The following ANKRD13C variants were observed in gnomAD, a reference collection of about 807,000 sequenced individuals.
ANKRD13C encodes ankyrin repeat domain-containing protein 13C.
Under a neutral mutation model 65.5 loss-of-function variants are expected in ANKRD13C, and 16 were observed. That is an observed-to-expected ratio of 0.24 (90% confidence interval 0.17 to 0.37). The LOEUF (loss-of-function observed/expected upper bound fraction) is 0.37. Ranked by LOEUF, ANKRD13C falls within the 10% of genes least tolerant of loss-of-function variation. ANKRD13C has a pLI of 1.00. For missense variants in ANKRD13C, 503 were observed against 655.9 expected, an observed-to-expected ratio of 0.77 and a Z score of 2.55; for synonymous variants, 235 against 238.7, an observed-to-expected ratio of 0.98 and a Z score of 0.14.
At chr1:70,299,810 A>G (rs1680266633) in intron 7 of ANKRD13C, among the ~76,000 whole-genome samples, 1 of 152,242 alleles carries the variant, frequency 6.6e-6, no homozygotes, top group Non-Finnish European at 1.5e-5. Flanking sequence ...TTAGGCATTT[A>G]AACAGATAAG....
intron 9 of ANKRD13C, among the ~76,000 whole-genome samples, chr1:70,278,403 G>A (rs1241670702): frequency 6.7e-6 from 1 of 150,050 alleles, no homozygotes; most frequent in Non-Finnish European, 1.5e-5. Flanking sequence ...TGAGGCAGGA[G>A]AATCACCTGA....
At chr1:70,293,428 C>A (rs1175028473) in intron 8 of ANKRD13C, 3 of 389,114 alleles carry the variant, frequency 7.7e-6, no homozygotes, top group East Asian at 3.3e-4. Flanking sequence ...GTCCACCTTG[C>A]AAAAAAAGCA....
At position 70,286,859 on chromosome 1, in the gene ANKRD13C, A is replaced by G. The variant is rs199950158; in HGVS notation, c.1215+5529T>C. On this transcript the variant is annotated intron_variant, in intron 9 of 12. Transcript: ENST00000370944. Reference sequence around the variant, plus strand: ...AAACTAGCCGGGCGTGGTGGTGGGTACCTGTAATCTCAGCTACTCCGGAGG... The same window carrying G: ...AAACTAGCCGGGCGTGGTGGTGGGTGCCTGTAATCTCAGCTACTCCGGAGG... 7.0e-4 allele frequency among the ~76,000 whole-genome samples: 106 copies of G among 152,094 alleles called. 3 individuals carry two copies. In the East Asian group the frequency reaches 0.016, roughly 23 times the overall value.
intron 9 of ANKRD13C, among the ~76,000 whole-genome samples, chr1:70,278,094 C>T (rs114942890): frequency 0.04 from 6,006 of 150,900 alleles, 367 homozygotes; most frequent in African/African-American, 0.13. Flanking sequence ...AAAGCTGAGG[C>T]GGGAGGATCA....
At chr1:70,287,458 C>T (rs1463868623) in intron 9 of ANKRD13C, among the ~76,000 whole-genome samples, 2 of 151,894 alleles carry the variant, frequency 1.3e-5, no homozygotes. Context: ...ATGGTCATTT[C>T]CTTAAATGTA....
At chr1:70,346,234 T>G (rs1682521839) in intron 1 of ANKRD13C, among the ~76,000 whole-genome samples, 1 of 152,188 alleles carries the variant, frequency 6.6e-6, no homozygotes, top group Admixed American at 6.5e-5. Flanking sequence ...CAAAAAAGCA[T>G]GTACTCAAGA....
chr1:70,281,301 C>T (rs993884248), intron 9 of ANKRD13C, among the ~76,000 whole-genome samples: 1 of 151,930 alleles, frequency 6.6e-6, no homozygotes, highest in Admixed American at 6.6e-5. Context: ...TGTGAAAGAA[C>T]CTCTCTTCCA....
intron 7 of ANKRD13C, among the ~76,000 whole-genome samples, chr1:70,299,703 G>GA (rs1680245281): frequency 6.6e-6 from 1 of 152,150 alleles, no homozygotes; most frequent in South Asian, 2.1e-4. Flanking sequence ...TTCAAAAGAG[G>GA]AAAAACAGGA....
Position 70,270,468 on chromosome 1 carries a change from G to A in ANKRD13C, c.1495+388C>T, listed in dbSNP as rs184424265. Among the ~76,000 whole-genome samples, 511 of 152,214 alleles carry A rather than the reference G, an allele frequency of 3.4e-3. 2 individuals are homozygous for A. The highest frequency in any genetic ancestry group is 0.017 in the Middle Eastern group (5 of 294). On this transcript the variant is annotated intron_variant, in intron 12 of 12. Coordinates refer to ENST00000370944, the MANE Select transcript of ANKRD13C (RefSeq NM_030816.5). The stretch of plus-strand genomic sequence containing the variant: ...CAGCAGCCCCCAACCTTTTTGGCAC[G>A]AGGGATCTGTTTCGTGAAAGATAAT...
At position 70,271,087 on chromosome 1, in the gene ANKRD13C, A is replaced by G. The variant is rs1417402324; in HGVS notation, c.1395-131T>C. 3 of 571,880 alleles carry G rather than the reference A, an allele frequency of 5.2e-6. No homozygotes were observed. The African/African-American group carries it at 5.8e-5, about 11-fold the overall frequency. 35.4% of individuals were successfully genotyped at this position (571,880 alleles called of 1,614,324 possible). Reference sequence around the variant, plus strand: ...GATACTAAGGATGAGTAAATTACAGACTTTATTCCTCCTAACTTTTTACTC... The same window carrying G: ...GATACTAAGGATGAGTAAATTACAGGCTTTATTCCTCCTAACTTTTTACTC... On this transcript the variant is annotated intron_variant, in intron 11 of 12. Transcript: ENST00000370944.
chr1:70,318,919 G>A (rs1297264783), intron 3 of ANKRD13C, among the ~76,000 whole-genome samples: 2 of 152,064 alleles, frequency 1.3e-5, no homozygotes, highest in Non-Finnish European at 2.9e-5. Context: ...TTGACATCAT[G>A]ATCCACCTGC....
chr1:70,325,472 G>C (rs1208710550), intron 2 of ANKRD13C, among the ~76,000 whole-genome samples: 2 of 152,074 alleles, frequency 1.3e-5, no homozygotes, highest in Non-Finnish European at 2.9e-5. Flanking sequence ...TTCAGAAAAA[G>C]GGCAAAACTC....
Position 70,259,574 on chromosome 1 carries a change from T to C in ANKRD13C, c.*3143A>G, listed in dbSNP as rs1020221659. 6.6e-6 allele frequency among the ~76,000 whole-genome samples: 1 copy of C among 152,216 alleles called. No homozygotes were observed. The highest frequency in any genetic ancestry group is 2.1e-4 in the South Asian group (1 of 4,834). Reference sequence around the variant, plus strand: ...ATTTTTAGGTGGCAACCAGAGTTAGTTACTATTGCCCCAGATTTCTGACAT... The same window carrying C: ...ATTTTTAGGTGGCAACCAGAGTTAGCTACTATTGCCCCAGATTTCTGACAT... On this transcript the variant is annotated 3_prime_UTR_variant, in exon 13 of 13. Transcript: ENST00000370944.
chr1:70,293,910 T>A (rs1362025062), intron 8 of ANKRD13C, among the ~76,000 whole-genome samples: 1 of 152,192 alleles, frequency 6.6e-6, no homozygotes. Flanking sequence ...TTGCTACTTA[T>A]AACAGGCAAA....
intron 3 of ANKRD13C, among the ~76,000 whole-genome samples, chr1:70,321,432 A>T (rs1373981332): frequency 6.6e-6 from 1 of 152,206 alleles, no homozygotes; most frequent in Non-Finnish European, 1.5e-5. Flanking sequence ...AACCAATATG[A>T]ACTGCTGTCT....
intron 3 of ANKRD13C, among the ~76,000 whole-genome samples, chr1:70,317,540 T>G (rs1440312923): frequency 1.3e-5 from 2 of 152,138 alleles, no homozygotes; most frequent in Admixed American, 6.6e-5. Context: ...GATGAAAAAG[T>G]TAGATTCCCT....
At chr1:70,345,973 C>T (rs1558316179) in intron 1 of ANKRD13C, among the ~76,000 whole-genome samples, 1 of 152,040 alleles carries the variant, frequency 6.6e-6, no homozygotes, top group Non-Finnish European at 1.5e-5. Context: ...AAACTTTTTT[C>T]TAATACTTTT....
At chr1:70,286,847 G>C (rs111348793) in intron 9 of ANKRD13C, among the ~76,000 whole-genome samples, 4,771 of 152,204 alleles carry the variant, frequency 0.031, 105 homozygotes, top group Middle Eastern at 0.061. Context: ...CTAGCCGGGC[G>C]TGGTGGTGGG....
At chr1:70,270,456 C>A (rs1391705991) in intron 12 of ANKRD13C, among the ~76,000 whole-genome samples, 1 of 152,184 alleles carries the variant, frequency 6.6e-6, no homozygotes, top group Non-Finnish European at 1.5e-5. Flanking sequence ...CAGCCCCCAA[C>A]CTTTTTGGCA....
Sources: allele counts gnomAD v4.1 joint callset (sites outside exome capture counted in the v4.1 genomes callset), GRCh38; gene constraint gnomAD v4.1.1; transcripts MANE v1.5; gene names NCBI Gene and HGNC (gene_info 2026-07-23, HGNC 2026-07-21).